The following MND1 variants were observed in gnomAD, a reference collection of about 807,000 sequenced individuals.
MND1 encodes the protein meiotic nuclear divisions 1.
A neutral mutation model predicts 35.1 loss-of-function variants in MND1; 28 were observed. That is an observed-to-expected ratio of 0.80 (90% CI 0.59 to 1.09). The LOEUF (loss-of-function observed/expected upper bound fraction) is 1.09. Among genes scored for constraint, MND1 ranks in the 50% least tolerant of loss-of-function variants. MND1 has a pLI of 0.00. For synonymous variants in MND1, 69 were observed against 70.5 expected, an observed-to-expected ratio of 0.98 and a Z score of 0.11; for missense variants, 213 against 239.6, an observed-to-expected ratio of 0.89 and a Z score of 0.73.
At position 153,345,456 on chromosome 4, in the gene MND1, C is replaced by T. The variant is rs539120305; in HGVS notation, c.3+716C>T. 8.1e-6 allele frequency: 8 copies of T among 985,378 alleles called. No individual in the cohort carries two copies. In the African/African-American group the frequency reaches 1.4e-4, roughly 17 times the overall value. The allele number at this position is 985,378 out of a possible 1,614,324, so 61.0% of individuals were successfully genotyped here. On this transcript the variant is annotated intron_variant, in intron 1 of 7. Transcript: ENST00000240488. Reference sequence around the variant, plus strand: ...TAGGGCGCTGTTGCTTTTTTAAGGACGCTCTGCACTGAATTAGGCTTCCTC... The same window carrying T: ...TAGGGCGCTGTTGCTTTTTTAAGGATGCTCTGCACTGAATTAGGCTTCCTC...
intron 4 of MND1, among the ~76,000 whole-genome samples, chr4:153,360,329 C>T (rs1190745254): frequency 6.6e-6 from 1 of 151,994 alleles, no homozygotes; most frequent in Non-Finnish European, 1.5e-5. Context: ...TAATGAAGTC[C>T]AACTGGTCAA....
chr4:153,396,177 T>C (rs1201008380), intron 5 of MND1, among the ~76,000 whole-genome samples: 2 of 152,200 alleles, frequency 1.3e-5, no homozygotes, highest in African/African-American at 4.8e-5. Context: ...TTAGCTACAA[T>C]TAAATTTAGT....
chr4:153,377,821 T>C lies in MND1; in HGVS notation c.277-16441T>C, dbSNP rs546181900. 3.3e-5 allele frequency among the ~76,000 whole-genome samples: 5 copies of C among 152,344 alleles called. No individual in the cohort carries two copies. The East Asian group carries it at 9.6e-4, about 29-fold the overall frequency. On this transcript the variant is annotated intron_variant, in intron 4 of 7. Transcript: ENST00000240488. The stretch of plus-strand genomic sequence containing the variant: ...ACTTCCGCCATTTACATGCTGTGCC[T>C]GGCTTTTTTCTTTTTCTTTATCTAT...
intron 4 of MND1, among the ~76,000 whole-genome samples, chr4:153,375,384 T>A (rs1194502557): frequency 6.6e-6 from 1 of 152,102 alleles, no homozygotes; most frequent in Non-Finnish European, 1.5e-5. Context: ...ACTAAGAGAT[T>A]GAATAATTTG....
rs187197844 is a variant in MND1 at position 153,360,171 on chromosome 4, G to A, written c.276+1549G>A. On this transcript the variant is annotated intron_variant, in intron 4 of 7. Coordinates refer to ENST00000240488, the MANE Select transcript of MND1 (RefSeq NM_032117.4). ...TTGCCCATTTTTCAATTGGGTTTTT[G>A]TTTTCTCGTTATTGAGTTTTAAGAG... Among the ~76,000 whole-genome samples, 1,038 of 152,174 alleles carry A rather than the reference G, an allele frequency of 6.8e-3. 6 individuals are homozygous for A. The highest frequency in any genetic ancestry group is 0.011 in the Non-Finnish European group (767 of 67,972).
intron 4 of MND1, among the ~76,000 whole-genome samples, chr4:153,390,889 ATG>A (rs58003087): frequency 0.15 from 21,501 of 139,622 alleles, 1,753 homozygotes; most frequent in African/African-American, 0.2. Flanking sequence ...AGGTATATAT[ATG>A]TGTGTGTGTG....
In MND1 at chr4:153,396,022, G is replaced by C. The variant is rs114826936; in HGVS notation, c.352-1197G>C. On this transcript the variant is annotated intron_variant, in intron 5 of 7. Coordinates refer to ENST00000240488, the MANE Select transcript of MND1 (RefSeq NM_032117.4). Reference sequence around the variant, plus strand: ...CTACAGGCAGGCACCACCACACTTGGTGACAGTGTTCCTTTTGAAGCATTT... The same window carrying C: ...CTACAGGCAGGCACCACCACACTTGCTGACAGTGTTCCTTTTGAAGCATTT... Among the ~76,000 whole-genome samples, 642 of 152,238 alleles carry C rather than the reference G, an allele frequency of 4.2e-3. 6 individuals are homozygous for C. The highest frequency in any genetic ancestry group is 0.015 in the African/African-American group (611 of 41,550).
intron 6 of MND1, among the ~76,000 whole-genome samples, chr4:153,408,740 C>G (rs1355142745): frequency 6.6e-6 from 1 of 151,882 alleles, no homozygotes; most frequent in East Asian, 1.9e-4. Flanking sequence ...CCATTAATTA[C>G]TAATACTACT....
rs547792887 is a variant in MND1, at chr4:153,368,817, A to C, written c.276+10195A>C. ...TACTGTTTTGTAGCCTTTAAAAAAA[A>C]AGTGTGATTTAGATTTTGTATTAGT... On this transcript the variant is annotated intron_variant, in intron 4 of 7. Transcript: ENST00000240488. Among the ~76,000 whole-genome samples, 182 of 152,330 alleles carry C rather than the reference A, an allele frequency of 1.2e-3. 5 individuals are homozygous for C. The South Asian group carries it at 0.031, about 26-fold the overall frequency.
intron 6 of MND1, among the ~76,000 whole-genome samples, chr4:153,404,412 C>T (rs1363171425): frequency 1.4e-5 from 2 of 147,220 alleles, no homozygotes; most frequent in African/African-American, 2.5e-5. Context: ...AGGATGGTCT[C>T]GATCTCTTGA....
At chr4:153,408,555 G>A (rs1258957414) in intron 6 of MND1, among the ~76,000 whole-genome samples, 1 of 151,862 alleles carries the variant, frequency 6.6e-6, no homozygotes, top group Admixed American at 6.6e-5. Context: ...CACTTATTGT[G>A]GTCTTATAAT....
Position 153,394,284 on chromosome 4 carries a change from A to C in MND1, c.299A>C (p.His100Pro). 10 of 1,612,864 alleles carry C rather than the reference A, an allele frequency of 6.2e-6. No homozygotes were observed. The highest frequency in any genetic ancestry group is 8.5e-6 in the Non-Finnish European group (10 of 1,179,152). ...TAGTTGTCTGAGGGAAGTCAAAAGC[A>C]TGCAAGCCTACAGAAAAGCATTGAG... ...ESQLSEGSQK[H>P]ASLQKSIEKA... Residue 100 changes from histidine to proline, a missense_variant, in exon 5 of 8, where the codon CAT becomes CCT. His to Pro is a moderately conservative substitution (Grantham distance 77, BLOSUM62 -2). Coordinates refer to ENST00000240488, the MANE Select transcript of MND1 (RefSeq NM_032117.4).
chr4:153,392,351 C>T (rs373936225), intron 4 of MND1, among the ~76,000 whole-genome samples: 21 of 152,216 alleles, frequency 1.4e-4, no homozygotes, highest in South Asian at 4.1e-4. Flanking sequence ...GTGATCGGCC[C>T]GCCTCAGCCT....
At chr4:153,381,644 TATATATATA>T (rs1210188666) in intron 4 of MND1, 2 of 123,100 alleles carry the variant, frequency 1.6e-5, no homozygotes, top group African/African-American at 3.1e-5. Context: ...CTCTGGCTGC[TATATATATA>T]ATATATATAA....
At chr4:153,360,203 G>A (rs1483170350) in intron 4 of MND1, among the ~76,000 whole-genome samples, 1 of 152,096 alleles carries the variant, frequency 6.6e-6, no homozygotes, top group Non-Finnish European at 1.5e-5. Flanking sequence ...AGAGTTCTTT[G>A]TATATTTTGG....
chr4:153,372,288 A>G (rs972993199), intron 4 of MND1, among the ~76,000 whole-genome samples: 5 of 152,100 alleles, frequency 3.3e-5, no homozygotes, highest in East Asian at 1.9e-4. Context: ...AAAACACGCT[A>G]TCTGAAGTGC....
chr4:153,409,703 T>G (rs958309681), intron 7 of MND1, among the ~76,000 whole-genome samples: 1 of 152,190 alleles, frequency 6.6e-6, no homozygotes, highest in Non-Finnish European at 1.5e-5. Context: ...ATAATAATTT[T>G]TTTTCCTACT....
intron 4 of MND1, among the ~76,000 whole-genome samples, chr4:153,392,857 C>T (rs1352323406): frequency 6.6e-6 from 1 of 152,182 alleles, no homozygotes; most frequent in Non-Finnish European, 1.5e-5. Flanking sequence ...CCAGGGTGCA[C>T]ACCTGTGATC....
chr4:153,397,078 G>C, intron 5 of MND1, 141 bp from the exon 6 acceptor site: 1 of 536,434 alleles, frequency 1.9e-6, no homozygotes, highest in Non-Finnish European at 3.3e-6. Flanking sequence ...ATATCTGTGT[G>C]TGTATACTTA....
Sources: gnomAD v4.1 joint callset for allele counts (sites outside exome capture counted in the v4.1 genomes callset) on GRCh38, gnomAD v4.1.1 for gene constraint, MANE v1.5 for transcripts, NCBI Gene and HGNC (gene_info 2026-07-23, HGNC 2026-07-21) for gene names.